BMP7: variants seen among roughly 807,000 people sequenced by gnomAD.
BMP7 encodes the protein bone morphogenetic protein 7, also known as osteogenic protein 1.
In BMP7, 12 loss-of-function variants were observed where a neutral mutation model predicts 41.2. The ratio of observed to expected loss-of-function variants is 0.29; its 90% CI spans 0.19 to 0.47. The LOEUF is 0.47. Ranked by LOEUF, BMP7 falls within the 20% of genes least tolerant of loss-of-function variation. The pLI is 0.99. For missense variants in BMP7, 467 were observed against 606.0 expected (o/e 0.77, Z 2.41); for synonymous variants, 248 against 250.0 (o/e 0.99, Z 0.07).
chr20:57,202,383 T>G, intron 3 of BMP7, 92 bp downstream of exon 3: 1 of 1,520,168 alleles, frequency 6.6e-7, no homozygotes, highest in Non-Finnish European at 8.8e-7. Flanking sequence ...GGGAAGCCTG[T>G]TTGTAGTGAA....
chr20:57,225,607 G>A (rs1354952716), intron 2 of BMP7, among the ~76,000 whole-genome samples: 1 of 152,160 alleles, frequency 6.6e-6, no homozygotes, highest in Non-Finnish European at 1.5e-5. Flanking sequence ...GGCAGGATTT[G>A]AATCCATGCT....
At chr20:57,183,655 G>T in intron 4 of BMP7, 67 bp downstream of exon 4, 1 of 1,599,992 alleles carries the variant, frequency 6.3e-7, no homozygotes. Flanking sequence ...TCAGTCTCCT[G>T]CCGGGTCCCG....
At chr20:57,184,980 T>G (rs184034185) in intron 3 of BMP7, among the ~76,000 whole-genome samples, 1 of 152,106 alleles carries the variant, frequency 6.6e-6, no homozygotes, top group Non-Finnish European at 1.5e-5. Flanking sequence ...AGGGCCCTGG[T>G]CAGGACACCA....
Position 57,174,523 on chromosome 20 carries a change from C to A in BMP7, c.1035+408G>T, listed in dbSNP as rs1243493833. Among the ~76,000 whole-genome samples, 1 of 152,154 alleles carries A rather than the reference C, an allele frequency of 6.6e-6. No homozygotes were observed. The highest frequency in any genetic ancestry group is 1.5e-5 in the Non-Finnish European group (1 of 68,040). On this transcript the variant is annotated intron_variant, in intron 5 of 6. Coordinates refer to ENST00000395863, the MANE Select transcript of BMP7 (RefSeq NM_001719.3). The surrounding 1 kb of genome is among the most constrained non-coding windows in gnomAD (Gnocchi z 4.3). The stretch of plus-strand genomic sequence containing the variant: ...ACTGGTTCAGGAACAAGTGCCTGAA[C>A]CAAGCTGGGCAGATCCGTCCCTCCC...
intron 1 of BMP7, among the ~76,000 whole-genome samples, chr20:57,265,165 G>A (rs904190350): frequency 3.3e-5 from 5 of 152,246 alleles, no homozygotes; most frequent in African/African-American, 1.2e-4. Flanking sequence ...GGCATCCGGC[G>A]GCCCGGAGAG....
intron 2 of BMP7, among the ~76,000 whole-genome samples, chr20:57,209,266 T>C (rs1477456147): frequency 4.8e-5 from 6 of 126,074 alleles, no homozygotes; most frequent in African/African-American, 2.2e-4. Flanking sequence ...TATATATATA[T>C]ATATATATAT....
At chr20:57,176,275 AG>A (rs1427361710) in intron 4 of BMP7, among the ~76,000 whole-genome samples, 7 of 152,176 alleles carry the variant, frequency 4.6e-5, no homozygotes, top group African/African-American at 1.7e-4. Context: ...GTGGGGCAGA[AG>A]GAGCTGGGGC....
Position 57,222,077 on chromosome 20 carries a change from G to T in BMP7, c.611+6152C>A, listed in dbSNP as rs942253347. 2.4e-4 allele frequency among the ~76,000 whole-genome samples: 37 copies of T among 152,242 alleles called. 1 individual carries two copies. The highest frequency in any genetic ancestry group is 8.4e-4 in the African/African-American group (35 of 41,550). On this transcript the variant is annotated intron_variant, in intron 2 of 6. Coordinates refer to ENST00000395863, the MANE Select transcript of BMP7 (RefSeq NM_001719.3). ...CCACAGGTGGTCTACAAGAGGGGCA[G>T]GACTGACCACCTCGTGGGGACACCC...
chr20:57,232,544 G>T (rs2066033243), intron 1 of BMP7, among the ~76,000 whole-genome samples: 1 of 152,164 alleles, frequency 6.6e-6, no homozygotes, highest in Non-Finnish European at 1.5e-5. Flanking sequence ...CAAACACAAG[G>T]TTTGTTACAA....
At chr20:57,205,487 C>T (rs907280355) in intron 2 of BMP7, among the ~76,000 whole-genome samples, 4 of 152,160 alleles carry the variant, frequency 2.6e-5, no homozygotes, top group Non-Finnish European at 5.9e-5. Context: ...GAACCATTAG[C>T]GATTCTCAAC....
rs1600621809 is a variant in BMP7, at chr20:57,204,078, A to T, written c.612-1455T>A. Reference sequence around the variant, plus strand: ...ATGCCACTAGGACAGTCCAGGCAGGACTGGAAACCAACCAGGCTACCTGCA... The same window carrying T: ...ATGCCACTAGGACAGTCCAGGCAGGTCTGGAAACCAACCAGGCTACCTGCA... On this transcript the variant is annotated intron_variant, in intron 2 of 6. Transcript: ENST00000395863. Among the ~76,000 whole-genome samples, 3 of 152,222 alleles carry T rather than the reference A, an allele frequency of 2.0e-5. No individual in the cohort carries two copies. In the South Asian group the frequency reaches 6.2e-4, roughly 32 times the overall value.
At position 57,183,730 on chromosome 20, in the gene BMP7, T is replaced by C. The variant is rs761307267; in HGVS notation, c.950A>G (p.Asn317Ser). 12 of 1,614,084 alleles carry C rather than the reference T, an allele frequency of 7.4e-6. No individual in the cohort carries two copies. The highest frequency in any genetic ancestry group is 1.1e-5 in the South Asian group (1 of 91,082). ...PKNQEALRMA[N>S]VAENSSSDQR... is the part of the protein sequence containing the mutation. ...CTCCCACCTAAGCATACCTGCCACGTTGGCCATCCGCAGGGCTTCCTGGTT... is the reference window on the plus strand; with the variant it reads ...CTCCCACCTAAGCATACCTGCCACGCTGGCCATCCGCAGGGCTTCCTGGTT... Residue 317 changes from asparagine to serine, a missense_variant, in exon 4 of 7, where the codon AAC (asparagine) becomes AGC (serine). By Grantham distance (46) the Asn-to-Ser change is conservative. Coordinates refer to ENST00000395863, the MANE Select transcript of BMP7 (RefSeq NM_001719.3).
At chr20:57,209,230 T>G (rs1984813366) in intron 2 of BMP7, among the ~76,000 whole-genome samples, 1 of 133,008 alleles carries the variant, frequency 7.5e-6, no homozygotes, top group Admixed American at 8.3e-5. Context: ...AATAAACAAA[T>G]ACCTAGATTT....
chr20:57,196,650 A>C (rs777365055), intron 3 of BMP7, among the ~76,000 whole-genome samples: 6 of 152,182 alleles, frequency 3.9e-5, no homozygotes, highest in Admixed American at 6.5e-5. Context: ...GGGCCCACGA[A>C]AACACTATAA....
chr20:57,253,241 G>A (rs2066121393), intron 1 of BMP7, among the ~76,000 whole-genome samples: 2 of 152,164 alleles, frequency 1.3e-5, no homozygotes, highest in South Asian at 4.1e-4. Flanking sequence ...AGCCTGGAAG[G>A]TTCTGAGGCC....
chr20:57,210,116 GTCTTC>G (rs567949949), intron 2 of BMP7, among the ~76,000 whole-genome samples: 28 of 152,274 alleles, frequency 1.8e-4, no homozygotes, highest in Admixed American at 1.7e-3. Flanking sequence ...CCCAAAAGTC[GTCTTC>G]TCTTCTCTTC....
At chr20:57,175,136 C>A in intron 4 of BMP7, 129 bp from the exon 5 acceptor site, 1 of 1,031,622 alleles carries the variant, frequency 9.7e-7, no homozygotes, top group Non-Finnish European at 1.5e-6. Context: ...GGGTAAATTT[C>A]CCGATTCAAA....
chr20:57,237,762 T>C (rs1484992793), intron 1 of BMP7, among the ~76,000 whole-genome samples: 1 of 152,150 alleles, frequency 6.6e-6, no homozygotes, highest in African/African-American at 2.4e-5. Context: ...ATACACATTG[T>C]TCAGATAACA....
intron 4 of BMP7, among the ~76,000 whole-genome samples, chr20:57,183,052 T>C (rs915301436): frequency 3.9e-5 from 6 of 152,136 alleles, no homozygotes; most frequent in Middle Eastern, 6.3e-3. Flanking sequence ...CTGACCGACA[T>C]GGTGAAACCC....
Sources: gnomAD v4.1 joint callset for allele counts (sites outside exome capture counted in the v4.1 genomes callset) on GRCh38, gnomAD v4.1.1 for gene constraint, Gnocchi (gnomAD v3.1) non-coding constraint, MANE v1.5 for transcripts, NCBI Gene and HGNC (gene_info 2026-07-23, HGNC 2026-07-21) for gene names.